Variants in BCKDHB observed in about 807,000 individuals in gnomAD.
The protein encoded by BCKDHB is 2-oxoisovalerate dehydrogenase subunit beta, mitochondrial.
BCKDHB carries 41 observed loss-of-function variants against 48.5 expected under a neutral mutation model. That is an observed-to-expected ratio of 0.85 (90% confidence interval 0.66 to 1.10). The LOEUF is 1.10. BCKDHB is among the 50% of genes least tolerant of loss of function. BCKDHB has a pLI of 0.00. For missense variants in BCKDHB, 496 were observed against 494.2 expected (o/e 1.00, Z -0.03); for synonymous variants, 201 against 174.8 (o/e 1.15, Z -1.18).
chr6:80,185,985 T>C (rs114110468), intron 6 of BCKDHB, among the ~76,000 whole-genome samples: 126 of 152,318 alleles, frequency 8.3e-4, no homozygotes, highest in African/African-American at 2.9e-3. Context: ...TTAGCTGTTT[T>C]CTCCTTTTTT....
At chr6:80,439,140 A>C in the BCKDHB span, among the ~76,000 whole-genome samples, 1 of 152,314 alleles carries the variant, frequency 6.6e-6, no homozygotes, top group African/African-American at 2.4e-5. Context: ...TTCTGCTCAC[A>C]TTCTATTAAC....
intron 8 of BCKDHB, among the ~76,000 whole-genome samples, chr6:80,269,303 TC>T (rs972383278): frequency 2.6e-5 from 4 of 152,150 alleles, no homozygotes; most frequent in African/African-American, 9.6e-5. Context: ...TTCTGATTGC[TC>T]CTATTGTGAT....
chr6:80,200,324 G>A (rs139073963), intron 6 of BCKDHB, among the ~76,000 whole-genome samples: 402 of 152,036 alleles, frequency 2.6e-3, no homozygotes, highest in African/African-American at 9.4e-3. Context: ...TGAAAAGTAA[G>A]GTGTTGTCAG....
intron 9 of BCKDHB, among the ~76,000 whole-genome samples, chr6:80,312,728 A>G (rs927749640): frequency 2.0e-5 from 3 of 152,230 alleles, no homozygotes; most frequent in Non-Finnish European, 4.4e-5. Context: ...GCCCTGAATC[A>G]CATATATTGA....
rs148957188 is a variant in BCKDHB, at chr6:80,250,783, T to C, written c.952-22352T>C. ...TGGCACAGTGGATATACAGCATGCT[T>C]ATCTAAGCTTAATTACTGGTTCCAT... On this transcript the variant is annotated intron_variant, in intron 8 of 9. Transcript: ENST00000320393. Among the ~76,000 whole-genome samples the C allele has an allele frequency of 8.8e-3, 1,341 of 152,268 alleles. 7 individuals carry two copies. The highest frequency in any genetic ancestry group is 0.012 in the Non-Finnish European group (838 of 68,020).
chr6:80,343,612 T>C, intron 9 of BCKDHB, 52 bp from the exon 10 acceptor site: 1 of 1,597,128 alleles, frequency 6.3e-7, no homozygotes, highest in Non-Finnish European at 8.6e-7. Context: ...ACTATTTCAT[T>C]TCTGTGAGTA....
chr6:80,174,495 T>A (rs1383740375), intron 6 of BCKDHB, among the ~76,000 whole-genome samples: 1 of 152,164 alleles, frequency 6.6e-6, no homozygotes, highest in Admixed American at 6.5e-5. Flanking sequence ...CCTCCATATA[T>A]GTGCCTTTCA....
At chr6:80,306,382 C>G (rs1056283859) in intron 9 of BCKDHB, among the ~76,000 whole-genome samples, 1 of 152,042 alleles carries the variant, frequency 6.6e-6, no homozygotes, top group Non-Finnish European at 1.5e-5. Flanking sequence ...CAATGAACAG[C>G]ATGATTACTG....
intron 8 of BCKDHB, among the ~76,000 whole-genome samples, chr6:80,261,232 T>G (rs1777287928): frequency 6.6e-6 from 1 of 152,170 alleles, no homozygotes; most frequent in African/African-American, 2.4e-5. Context: ...TATTCTTGGC[T>G]TCTTTTCCAA....
the BCKDHB span, among the ~76,000 whole-genome samples, chr6:80,386,289 A>G: frequency 6.6e-6 from 1 of 152,006 alleles, no homozygotes; most frequent in East Asian, 1.9e-4. Flanking sequence ...CACTATTTAC[A>G]ATAGCAAGGT....
At chr6:80,448,581 A>T in the BCKDHB span, among the ~76,000 whole-genome samples, 1 of 152,194 alleles carries the variant, frequency 6.6e-6, no homozygotes, top group Non-Finnish European at 1.5e-5. Context: ...ACAAGGGGGA[A>T]AAAAGGATAA....
At position 80,139,446 on chromosome 6, in the gene BCKDHB, T is replaced by G. The variant is rs565043975; in HGVS notation, c.343+10217T>G. 1.2e-4 allele frequency among the ~76,000 whole-genome samples: 19 copies of G among 152,192 alleles called. No individual in the cohort carries two copies. The East Asian group carries it at 1.5e-3, about 12-fold the overall frequency. ...GTTTTTATGGTTTTAGGTCTAACAT[T>G]TAAGTCTTTAATCCATCTTGAATTG... On this transcript the variant is annotated intron_variant, in intron 3 of 9. Transcript: ENST00000320393.
At chr6:80,134,887 G>A (rs1046873236) in intron 3 of BCKDHB, among the ~76,000 whole-genome samples, 3 of 151,976 alleles carry the variant, frequency 2.0e-5, no homozygotes, top group African/African-American at 2.4e-5. Flanking sequence ...GAGTAGCTGG[G>A]ATAATAGGCA....
chr6:80,371,960 G>C, the BCKDHB span, among the ~76,000 whole-genome samples: 1 of 151,960 alleles, frequency 6.6e-6, no homozygotes, highest in African/African-American at 2.4e-5. Flanking sequence ...CTTTGGCTAT[G>C]TGGGCTCTTT....
chr6:80,412,046 A>G, the BCKDHB span, among the ~76,000 whole-genome samples: 1 of 151,880 alleles, frequency 6.6e-6, no homozygotes, highest in East Asian at 1.9e-4. Flanking sequence ...CATCAATCTC[A>G]CTGGGAGCTG....
At chr6:80,196,464 T>C (rs147249261) in intron 6 of BCKDHB, among the ~76,000 whole-genome samples, 35 of 152,174 alleles carry the variant, frequency 2.3e-4, no homozygotes, top group Non-Finnish European at 4.3e-4. Context: ...CATTGCTATA[T>C]TATGATTTTA....
chr6:80,261,437 C>A (rs1777297550), intron 8 of BCKDHB, among the ~76,000 whole-genome samples: 1 of 151,958 alleles, frequency 6.6e-6, no homozygotes, highest in Admixed American at 6.6e-5. Context: ...ACTTGCCTTC[C>A]TGTCTGCTTG....
chr6:80,314,074 G>A (rs1346644495), intron 9 of BCKDHB, among the ~76,000 whole-genome samples: 1 of 152,088 alleles, frequency 6.6e-6, no homozygotes, highest in Admixed American at 6.5e-5. Flanking sequence ...TTAGTTGTAT[G>A]GTTTTGAGTG....
At chr6:80,222,388 C>G (rs1461956785) in intron 8 of BCKDHB, among the ~76,000 whole-genome samples, 1 of 152,130 alleles carries the variant, frequency 6.6e-6, no homozygotes, top group African/African-American at 2.4e-5. Flanking sequence ...CAATAAAGAT[C>G]CAGTGAAACA....
Sources: allele counts gnomAD v4.1 joint callset (sites outside exome capture counted in the v4.1 genomes callset), GRCh38; gene constraint gnomAD v4.1.1; transcripts MANE v1.5; gene names NCBI Gene and HGNC (gene_info 2026-07-23, HGNC 2026-07-21).